The following CDH18 variants were observed in gnomAD, a reference collection of about 807,000 sequenced individuals.
The protein encoded by CDH18 is cadherin-18.
A neutral mutation model predicts 67.9 loss-of-function variants in CDH18; 31 were observed. The observed-to-expected ratio is 0.46, with a 90% CI of 0.34 to 0.62. The LOEUF is 0.62. CDH18 is among the 20% of genes least tolerant of loss of function. The probability of loss-of-function intolerance (pLI) is 0.01; values close to 1 mark genes in which losing one functional copy is unlikely to be tolerated. For synonymous variants in CDH18, 362 were observed against 347.2 expected (o/e 1.04, Z -0.48); for missense variants, 890 against 975.5 (o/e 0.91, Z 1.17).
chr5:20,147,244 G>C (rs970671133), intron 2 of CDH18, among the ~76,000 whole-genome samples: 2 of 152,032 alleles, frequency 1.3e-5, no homozygotes, highest in African/African-American at 4.8e-5. Flanking sequence ...AATACTTAGG[G>C]ATTTGGTATT....
At chr5:19,536,554 C>T (rs1749451890) in intron 9 of CDH18, among the ~76,000 whole-genome samples, 1 of 152,160 alleles carries the variant, frequency 6.6e-6, no homozygotes, top group Admixed American at 6.5e-5. Flanking sequence ...GTACGTATCT[C>T]TGTGCATATG....
At chr5:19,764,192 T>C (rs1203135058) in intron 3 of CDH18, among the ~76,000 whole-genome samples, 1 of 144,356 alleles carries the variant, frequency 6.9e-6, no homozygotes, top group African/African-American at 2.5e-5. Context: ...AAAAAAAAAA[T>C]ACAGTACATA....
At chr5:20,015,042 C>T (rs74848632) in intron 2 of CDH18, among the ~76,000 whole-genome samples, 1,750 of 152,100 alleles carry the variant, frequency 0.012, 42 homozygotes, top group African/African-American at 0.04. Flanking sequence ...AAATAGTTAA[C>T]AGAAAAAAGC....
At chr5:20,285,989 A>G (rs773276623) in intron 1 of CDH18, among the ~76,000 whole-genome samples, 35 of 151,664 alleles carry the variant, frequency 2.3e-4, no homozygotes, top group Non-Finnish European at 4.9e-4. Flanking sequence ...TGTCAGCAAC[A>G]TATTTTCTTT....
rs891480738 is a variant in CDH18, at chr5:19,473,106, G to C, written c.*120C>G. Reference sequence around the variant, plus strand: ...ATGAAAAGGGCACTTGTTTCTACAGGAGCTGTGTCCAGCTTCCTCAGTTCC... The same window carrying C: ...ATGAAAAGGGCACTTGTTTCTACAGCAGCTGTGTCCAGCTTCCTCAGTTCC... On this transcript the variant is annotated 3_prime_UTR_variant, in exon 13 of 13. Transcript: ENST00000382275. 8.6e-7 allele frequency: 1 copy of C among 1,158,236 alleles called. No individual in the cohort carries two copies. Among genetic ancestry groups the C allele is most frequent in the African/African-American group, 1.6e-5 (1 of 64,468 alleles). 71.7% of individuals were successfully genotyped at this position (1,158,236 alleles called of 1,614,324 possible). A position where few individuals can be genotyped will look rare whatever the true frequency, so the allele number is the denominator to read the frequency against.
intron 2 of CDH18, among the ~76,000 whole-genome samples, chr5:20,167,685 G>A (rs1369781166): frequency 6.6e-6 from 1 of 152,092 alleles, no homozygotes; most frequent in African/African-American, 2.4e-5. Flanking sequence ...AATGTGCAGT[G>A]AATAGGCTGC....
chr5:20,017,172 C>T (rs762381611), intron 2 of CDH18, among the ~76,000 whole-genome samples: 5 of 152,022 alleles, frequency 3.3e-5, no homozygotes, highest in African/African-American at 7.2e-5. Context: ...AAACTAAATA[C>T]GTACTGAAAA....
At chr5:19,554,338 T>C (rs1738001895) in intron 8 of CDH18, among the ~76,000 whole-genome samples, 3 of 152,140 alleles carry the variant, frequency 2.0e-5, no homozygotes, top group Admixed American at 1.3e-4. Context: ...TTATTAGAAT[T>C]TTTTTATTCA....
At chr5:20,147,895 A>C (rs1346312151) in intron 2 of CDH18, among the ~76,000 whole-genome samples, 1 of 152,196 alleles carries the variant, frequency 6.6e-6, no homozygotes, top group Non-Finnish European at 1.5e-5. Context: ...ACAGAACTTA[A>C]AAAGGAGATT....
At chr5:20,259,389 C>T (rs1471863191) in intron 1 of CDH18, among the ~76,000 whole-genome samples, 1 of 152,128 alleles carries the variant, frequency 6.6e-6, no homozygotes, top group Non-Finnish European at 1.5e-5. Flanking sequence ...GTTTGAACTA[C>T]ATGGTTCCAT....
intron 4 of CDH18, among the ~76,000 whole-genome samples, chr5:19,722,779 T>A (rs936839451): frequency 2.6e-5 from 4 of 152,092 alleles, no homozygotes; most frequent in African/African-American, 9.7e-5. Flanking sequence ...CTAATTTGGG[T>A]TATCTATCAA....
chr5:19,809,359 C>T (rs1232923321), intron 3 of CDH18, among the ~76,000 whole-genome samples: 1 of 152,068 alleles, frequency 6.6e-6, no homozygotes, highest in Non-Finnish European at 1.5e-5. Context: ...AAAAAATAGA[C>T]TTTCATTCTC....
At chr5:20,041,901 T>G (rs2150473930) in intron 2 of CDH18, among the ~76,000 whole-genome samples, 1 of 152,340 alleles carries the variant, frequency 6.6e-6, no homozygotes, top group South Asian at 2.1e-4. Flanking sequence ...TTTGTATTAT[T>G]TAGAACTGAA....
At chr5:20,436,815 CAA>C (rs34874505) in intron 1 of CDH18, among the ~76,000 whole-genome samples, 1 of 140,980 alleles carries the variant, frequency 7.1e-6, no homozygotes, top group Non-Finnish European at 1.6e-5. Flanking sequence ...ACTAAAAAAC[CAA>C]AAAAAAAAAA....
At chr5:19,730,631 T>C (rs1334488806) in intron 4 of CDH18, among the ~76,000 whole-genome samples, 1 of 152,200 alleles carries the variant, frequency 6.6e-6, no homozygotes, top group Non-Finnish European at 1.5e-5. Flanking sequence ...AATATTTGTG[T>C]ACATTAAACC....
chr5:19,649,690 CA>C, intron 5 of CDH18, among the ~76,000 whole-genome samples: 1 of 152,002 alleles, frequency 6.6e-6, no homozygotes, highest in Non-Finnish European at 1.5e-5. Flanking sequence ...AAATTCTCAT[CA>C]AAAAGGTCTC....
chr5:19,921,270 A>G (rs147935775), intron 2 of CDH18, among the ~76,000 whole-genome samples: 2,262 of 152,204 alleles, frequency 0.015, 41 homozygotes, highest in African/African-American at 0.037. Context: ...AGTGGCTCAC[A>G]CCTGTAATCC....
intron 2 of CDH18, among the ~76,000 whole-genome samples, chr5:20,016,974 A>C (rs1257153363): frequency 6.6e-6 from 1 of 152,118 alleles, no homozygotes; most frequent in African/African-American, 2.4e-5. Flanking sequence ...CTCATGGTTC[A>C]TTGTCGTTTT....
chr5:19,913,652 G>A (rs1214532414), intron 2 of CDH18, among the ~76,000 whole-genome samples: 1 of 152,106 alleles, frequency 6.6e-6, no homozygotes, highest in East Asian at 1.9e-4. Context: ...TCAGAGATGT[G>A]TGTACTTAGA....
Sources: allele counts gnomAD v4.1 joint callset (sites outside exome capture counted in the v4.1 genomes callset), GRCh38; gene constraint gnomAD v4.1.1; transcripts MANE v1.5; gene names NCBI Gene and HGNC (gene_info 2026-07-23, HGNC 2026-07-21).